The following SMG9 variants were observed in gnomAD, a reference collection of about 807,000 sequenced individuals.
SMG9 encodes the protein nonsense-mediated mRNA decay factor SMG9.
A neutral mutation model predicts 64.0 loss-of-function variants in SMG9; 55 were observed. The ratio of observed to expected loss-of-function variants is 0.86; its 90% CI spans 0.69 to 1.08. SMG9 has a LOEUF of 1.08. Ranked by LOEUF, SMG9 falls within the 50% of genes least tolerant of loss-of-function variation. SMG9 has a pLI of 0.00. For synonymous variants in SMG9, 244 were observed against 254.8 expected (o/e 0.96, Z 0.41); for missense variants, 554 against 681.3 (o/e 0.81, Z 2.08).
Position 43,731,242 on chromosome 19 carries a change from G to A in SMG9, c.*354C>T. ...CTCACCTTACAGGGAAGGGCTTAGAGTCAGGGAAGAGGGGCCTGTTGCTCC... is the reference window on the plus strand; with the variant it reads ...CTCACCTTACAGGGAAGGGCTTAGAATCAGGGAAGAGGGGCCTGTTGCTCC... On this transcript the variant is annotated 3_prime_UTR_variant, in exon 14 of 14. Transcript: ENST00000270066. The A allele has an allele frequency of 9.2e-7, 1 of 1,090,642 alleles. No individual in the cohort carries two copies. Among genetic ancestry groups the A allele is most frequent in the East Asian group, 6.9e-5 (1 of 14,592 alleles). 67.6% of individuals were successfully genotyped at this position (1,090,642 alleles called of 1,614,324 possible).
intron 9 of SMG9, among the ~76,000 whole-genome samples, chr19:43,736,649 T>C (rs1398703697): frequency 6.6e-6 from 1 of 152,128 alleles, no homozygotes; most frequent in Non-Finnish European, 1.5e-5. Flanking sequence ...TTCAGCAAAT[T>C]TGTAGTAAAT....
At chr19:43,740,024 C>A (rs1464236881) in intron 7 of SMG9, 83 bp downstream of exon 7, 2 of 991,780 alleles carry the variant, frequency 2.0e-6, no homozygotes, top group African/African-American at 3.2e-5. Context: ...GGAATCCACG[C>A]AGGGTTCTGG....
intron 6 of SMG9, among the ~76,000 whole-genome samples, chr19:43,743,892 TA>T (rs898965931): frequency 1.6e-4 from 24 of 152,296 alleles, no homozygotes; most frequent in African/African-American, 5.3e-4. Flanking sequence ...TCACCTGCTT[TA>T]CAAAAAAACA....
chr19:43,728,886 C>T lies in SMG9; in HGVS notation c.*2710G>A, dbSNP rs1041615903. 1 of 639,910 alleles carries T rather than the reference C, an allele frequency of 1.6e-6. No individual in the cohort carries two copies. The highest frequency in any genetic ancestry group is 1.9e-6 in the Non-Finnish European group (1 of 514,154). 39.6% of individuals were successfully genotyped at this position (639,910 alleles called of 1,614,324 possible). ...GTGTCTGAATTGAAAAGCGTGAGTT[C>T]CACCTGCTGGGAATGATGAAGGGAC... is the stretch of plus-strand genomic sequence containing the variant. On this transcript the variant is annotated 3_prime_UTR_variant, in exon 14 of 14. Coordinates refer to ENST00000270066, the MANE Select transcript of SMG9 (RefSeq NM_019108.4).
rs1219280990 is a variant in SMG9, at chr19:43,728,612, AC to A, written c.*2983del. On this transcript the variant is annotated 3_prime_UTR_variant, in exon 14 of 14. Transcript: ENST00000270066. The stretch of plus-strand genomic sequence containing the variant: ...GTACAATCATCACCTTATTTTGCAG[AC>A]AAAACAGATGCCCAGCAAGCTTTAG... 2.6e-5 allele frequency: 4 copies of A among 152,288 alleles called. No individual in the cohort carries two copies. The highest frequency in any genetic ancestry group is 9.6e-5 in the African/African-American group (4 of 41,476). The allele number at this position is 152,288 out of a possible 1,614,324, so 9.4% of individuals were successfully genotyped here. A position where few individuals can be genotyped will look rare whatever the true frequency, so the allele number is the denominator to read the frequency against.
chr19:43,741,397 C>T (rs1968842370), intron 6 of SMG9, among the ~76,000 whole-genome samples: 1 of 152,030 alleles, frequency 6.6e-6, no homozygotes, highest in South Asian at 2.1e-4. Flanking sequence ...AAAGATGGTG[C>T]ATGTGGGAGG....
At chr19:43,735,057 C>G (rs1968611457) in intron 9 of SMG9, among the ~76,000 whole-genome samples, 1 of 152,196 alleles carries the variant, frequency 6.6e-6, no homozygotes, top group South Asian at 2.1e-4. Context: ...TCTCTCCAAC[C>G]CCTGATCTTT....
chr19:43,753,802 T>A (rs773036085), intron 1 of SMG9, among the ~76,000 whole-genome samples: 9 of 151,776 alleles, frequency 5.9e-5, no homozygotes, highest in Non-Finnish European at 7.4e-5. Flanking sequence ...AGTATCTGAA[T>A]GTGGGGAGTT....
chr19:43,748,189 T>C, intron 2 of SMG9, 137 bp from the exon 3 acceptor site: 3 of 1,046,608 alleles, frequency 2.9e-6, no homozygotes, highest in Non-Finnish European at 4.0e-6. Flanking sequence ...TAGATACTAT[T>C]ATTACCCCCA....
rs1463516151 is a variant in SMG9 at position 43,752,628 on chromosome 19, T to C, written c.-6-1881A>G. Reference sequence around the variant, plus strand: ...AGTTTTACTGAATGGCCGAGTATGGTGGCTCACACCTGTAATCCCGACACT... The same window carrying C: ...AGTTTTACTGAATGGCCGAGTATGGCGGCTCACACCTGTAATCCCGACACT... On this transcript the variant is annotated intron_variant, in intron 1 of 13. Transcript: ENST00000270066. Among the ~76,000 whole-genome samples the C allele has an allele frequency of 3.9e-5, 6 of 152,282 alleles. No individual in the cohort carries two copies. In the East Asian group the frequency reaches 1.2e-3, roughly 29 times the overall value.
In SMG9 at chr19:43,747,853, AG is replaced by A. The variant is rs1443875916; in HGVS notation, c.269del (p.Ala90ValfsTer12). On this transcript the variant is annotated frameshift_variant, in exon 4 of 14. Coordinates refer to ENST00000270066, the MANE Select transcript of SMG9 (RefSeq NM_019108.4). LOFTEE classifies it high-confidence loss of function. ...CGATGGGCTTCTCCAGAGGGGCTGG[AG>A]CAGGCGGGGCAGCAGGGGCTGTTGG... ...PPPTAPAAPP[A>X]PAPLEKPIVL... 1.2e-6 allele frequency: 2 copies of A among 1,607,706 alleles called. No homozygotes were observed. The highest frequency in any genetic ancestry group is 1.7e-6 in the Non-Finnish European group (2 of 1,176,682).
Position 43,740,276 on chromosome 19 carries a change from T to A in SMG9, c.702-58A>T, listed in dbSNP as rs1968808132. ...GCTCTGGTTCTCAGCCTTGGATGCA[T>A]CCGAAGTGTGACCCTGTGAGCTGAG... On this transcript the variant is annotated intron_variant, in intron 6 of 13. Coordinates refer to ENST00000270066, the MANE Select transcript of SMG9 (RefSeq NM_019108.4). The A allele has an allele frequency of 1.4e-5, 17 of 1,228,866 alleles. 1 individual carries two copies. In the South Asian group the frequency reaches 1.9e-4, roughly 14 times the overall value. The allele number at this position is 1,228,866 out of a possible 1,614,324, so 76.1% of individuals were successfully genotyped here.
rs1202350698 is a variant in SMG9, at chr19:43,733,716, C to T, written c.1120G>A (p.Ala374Thr). Residue 374 changes from alanine (A) to threonine (T), a missense_variant, in exon 11 of 14, where the codon GCT (alanine) becomes ACT (threonine). Coordinates refer to ENST00000270066, the MANE Select transcript of SMG9 (RefSeq NM_019108.4). ...CGAGGACAGAAGTCCTCTCGGCGAGCTTTGTTCTGCAAGAAGACTGAGGGT... is the reference window on the plus strand; with the variant it reads ...CGAGGACAGAAGTCCTCTCGGCGAGTTTTGTTCTGCAAGAAGACTGAGGGT... ...YPHLVFLQNKARREDFCPRKL... is the reference protein window; with the variant it reads ...YPHLVFLQNKTRREDFCPRKL... 1 of 1,614,130 alleles carries T rather than the reference C, an allele frequency of 6.2e-7. No homozygotes were observed. Among genetic ancestry groups the T allele is most frequent in the Admixed American group, 1.7e-5 (1 of 60,016 alleles).
Position 43,731,347 on chromosome 19 carries a change from G to A in SMG9, c.*249C>T, listed in dbSNP as rs1185218044. Reference sequence around the variant, plus strand: ...ACTCCTCCCACTGCTTGTCCCTGTGGAGGACACAGGACGGGCTACCCCATC... The same window carrying A: ...ACTCCTCCCACTGCTTGTCCCTGTGAAGGACACAGGACGGGCTACCCCATC... On this transcript the variant is annotated 3_prime_UTR_variant, in exon 14 of 14. Coordinates refer to ENST00000270066, the MANE Select transcript of SMG9 (RefSeq NM_019108.4). 2.3e-6 allele frequency: 3 copies of A among 1,306,590 alleles called. No homozygotes were observed. Among genetic ancestry groups the A allele is most frequent in the Non-Finnish European group, 2.9e-6 (3 of 1,024,628 alleles). The allele number at this position is 1,306,590 out of a possible 1,614,324, so 80.9% of individuals were successfully genotyped here.
intron 6 of SMG9, among the ~76,000 whole-genome samples, chr19:43,740,683 G>A (rs1968819890): frequency 6.6e-6 from 1 of 152,132 alleles, no homozygotes; most frequent in African/African-American, 2.4e-5. Context: ...ACTTTTAGCT[G>A]TTAATTATCA....
rs144640633 is a variant in SMG9, at chr19:43,733,523, A to C, written c.1211-71T>G. ...TGGGGAGTGGGAATTGTTGACAGTCAAAGCAGGATCAGGAGACTAGTCTGG... is the reference window on the plus strand; with the variant it reads ...TGGGGAGTGGGAATTGTTGACAGTCCAAGCAGGATCAGGAGACTAGTCTGG... On this transcript the variant is annotated intron_variant, in intron 11 of 13. Transcript: ENST00000270066. 2.9e-5 allele frequency: 46 copies of C among 1,610,866 alleles called. 1 individual carries two copies. The Middle Eastern group carries it at 5.0e-4, about 18-fold the overall frequency.
In SMG9 at chr19:43,741,812, C is replaced by T. The variant is rs948793989; in HGVS notation, c.702-1594G>A. ...CTCACCATCCTATTTAAAACTATAACCTAGTCTGGGCAACACAGCAAGACC... is the reference window on the plus strand; with the variant it reads ...CTCACCATCCTATTTAAAACTATAATCTAGTCTGGGCAACACAGCAAGACC... On this transcript the variant is annotated intron_variant, in intron 6 of 13. Coordinates refer to ENST00000270066, the MANE Select transcript of SMG9 (RefSeq NM_019108.4). 2.6e-5 allele frequency among the ~76,000 whole-genome samples: 4 copies of T among 152,232 alleles called. No individual in the cohort carries two copies. In the South Asian group the frequency reaches 8.3e-4, roughly 32 times the overall value.
At position 43,738,219 on chromosome 19, in the gene SMG9, T is replaced by C. The variant is rs765704879; in HGVS notation, c.814-2A>G. On this transcript the variant is annotated splice_acceptor_variant, in intron 7 of 13. Transcript: ENST00000270066. LOFTEE classifies it high-confidence loss of function. ...TAGGATAGAAGGGCTCAGGATGGGC[T>C]GCAGCAAGGAAGAGAACAGAGTGTC... The C allele has an allele frequency of 1.9e-6, 3 of 1,613,836 alleles. No individual in the cohort carries two copies. The highest frequency in any genetic ancestry group is 1.1e-5 in the South Asian group (1 of 91,080).
chr19:43,750,329 G>A, intron 2 of SMG9: 1 of 654,054 alleles, frequency 1.5e-6, no homozygotes, highest in Non-Finnish European at 2.9e-6. Context: ...TTTCTGTCTG[G>A]AATGCTCTTC....
Sources: gnomAD v4.1 joint callset for allele counts (sites outside exome capture counted in the v4.1 genomes callset) on GRCh38, gnomAD v4.1.1 for gene constraint, MANE v1.5 for transcripts, NCBI Gene and HGNC (gene_info 2026-07-23, HGNC 2026-07-21) for gene names.